The following LARP4B variants were observed in gnomAD, a reference collection of about 807,000 sequenced individuals.
LARP4B encodes the protein la-related protein 4B.
A neutral mutation model predicts 89.8 loss-of-function variants in LARP4B; 12 were observed. The ratio of observed to expected loss-of-function variants is 0.13; its 90% CI spans 0.09 to 0.22. The LOEUF is 0.22. LARP4B is among the 10% of genes least tolerant of loss of function. LARP4B has a pLI of 1.00. For synonymous variants in LARP4B, 367 were observed against 363.3 expected (o/e 1.01, Z -0.12); for missense variants, 757 against 947.7 (o/e 0.80, Z 2.64).
At chr10:980,673 G>A in the LARP4B span, among the ~76,000 whole-genome samples, 1 of 152,210 alleles carries the variant, frequency 6.6e-6, no homozygotes, top group Non-Finnish European at 1.5e-5. Flanking sequence ...GGCTGTGCAG[G>A]GCAATGGATA....
In LARP4B at chr10:833,030, GAATGGGAGAGCATGGCTGTA is replaced by G. The variant is rs1171124368; in HGVS notation, c.751-2073_751-2054del. 1.1e-4 allele frequency among the ~76,000 whole-genome samples: 16 copies of G among 152,236 alleles called. No homozygotes were observed. In the South Asian group the frequency reaches 2.7e-3, roughly 26 times the overall value. On this transcript the variant is annotated intron_variant, in intron 8 of 17. Transcript: ENST00000316157. ...GACAACAGCACAGGCTAGAAGTGGA[GAATGGGAGAGCATGGCTGTA>G]AATGGGAGAGCATGGCTGTAAGGTA...
At chr10:831,837 A>G (rs1340407205) in intron 8 of LARP4B, among the ~76,000 whole-genome samples, 1 of 152,196 alleles carries the variant, frequency 6.6e-6, no homozygotes, top group Non-Finnish European at 1.5e-5. Flanking sequence ...GTAAAATTTA[A>G]AACTCCGAGC....
chr10:885,584 G>C, intron 2 of LARP4B, 57 bp downstream of exon 2: 1 of 1,270,754 alleles, frequency 7.9e-7, no homozygotes. Flanking sequence ...CTCCAATATA[G>C]AGTCCTTTAT....
At chr10:836,980 T>C (rs1172001790) in intron 7 of LARP4B, among the ~76,000 whole-genome samples, 1 of 152,172 alleles carries the variant, frequency 6.6e-6, no homozygotes, top group African/African-American at 2.4e-5. Flanking sequence ...ATCTAAGAAA[T>C]TACGCAATGC....
At chr10:904,120 T>C (rs967028803) in intron 1 of LARP4B, among the ~76,000 whole-genome samples, 1 of 152,134 alleles carries the variant, frequency 6.6e-6, no homozygotes, top group East Asian at 1.9e-4. Flanking sequence ...TCTTCTCACC[T>C]ACGAAAATTA....
chr10:943,728 G>T, the LARP4B span, among the ~76,000 whole-genome samples: 2 of 152,194 alleles, frequency 1.3e-5, no homozygotes, highest in African/African-American at 4.8e-5. Context: ...AGCGGCGAGG[G>T]TGATGGAGTG....
upstream of LARP4B, among the ~76,000 whole-genome samples, chr10:934,504 A>G (rs560505126): frequency 1.3e-5 from 2 of 152,158 alleles, no homozygotes; most frequent in East Asian, 3.9e-4. Flanking sequence ...AAAGAAAAAG[A>G]AAAAAACTAA....
the LARP4B span, among the ~76,000 whole-genome samples, chr10:978,969 C>A: frequency 2.6e-5 from 4 of 151,818 alleles, no homozygotes; most frequent in African/African-American, 7.3e-5. Flanking sequence ...TCCACTGTCT[C>A]CTGTCTCTCA....
At chr10:867,452 T>C (rs984815870) in intron 3 of LARP4B, among the ~76,000 whole-genome samples, 1 of 152,228 alleles carries the variant, frequency 6.6e-6, no homozygotes, top group African/African-American at 2.4e-5. Context: ...AAGAGTTCAT[T>C]AACTTATAAT....
At chr10:874,064 C>G (rs922676393) in intron 3 of LARP4B, among the ~76,000 whole-genome samples, 1 of 152,068 alleles carries the variant, frequency 6.6e-6, no homozygotes, top group Non-Finnish European at 1.5e-5. Flanking sequence ...GAAAACCCGT[C>G]TCTACTAAAA....
At chr10:897,759 A>T (rs1836228852) in intron 1 of LARP4B, among the ~76,000 whole-genome samples, 1 of 152,098 alleles carries the variant, frequency 6.6e-6, no homozygotes, top group South Asian at 2.1e-4. Context: ...AGGCCGAAGC[A>T]GGCAGATTAT....
At chr10:877,601 G>A (rs1835507930) in intron 3 of LARP4B, among the ~76,000 whole-genome samples, 1 of 152,134 alleles carries the variant, frequency 6.6e-6, no homozygotes, top group African/African-American at 2.4e-5. Context: ...AAACCTCTTT[G>A]TGTCTCAGTT....
At chr10:890,589 G>A (rs1835986240) in intron 1 of LARP4B, among the ~76,000 whole-genome samples, 1 of 152,178 alleles carries the variant, frequency 6.6e-6, no homozygotes, top group African/African-American at 2.4e-5. Context: ...CTAACTTGTA[G>A]AAGACACAGA....
chr10:887,526 C>T (rs141571063), intron 1 of LARP4B, among the ~76,000 whole-genome samples: 40 of 151,386 alleles, frequency 2.6e-4, no homozygotes, highest in Non-Finnish European at 5.4e-4. Flanking sequence ...GCCTGGCCAA[C>T]ATGGTGAAAC....
the LARP4B span, among the ~76,000 whole-genome samples, chr10:983,000 G>A: frequency 6.6e-6 from 1 of 152,226 alleles, no homozygotes; most frequent in Admixed American, 6.5e-5. Context: ...AGGAAGACCT[G>A]CATTAGTCAA....
chr10:900,714 A>G (rs1269544508), intron 1 of LARP4B, among the ~76,000 whole-genome samples: 2 of 135,786 alleles, frequency 1.5e-5, no homozygotes, highest in African/African-American at 2.8e-5. Context: ...CTGCCTCCCG[A>G]GTTCAAGCGA....
the LARP4B span, chr10:942,501 G>A: frequency 1.3e-5 from 2 of 152,182 alleles, no homozygotes; most frequent in Non-Finnish European, 2.9e-5. Context: ...AAGATCAGAA[G>A]AACCTCTGTC....
rs1469287829 is a variant in LARP4B, at chr10:893,144, C to T, written c.-39-7384G>A. On this transcript the variant is annotated intron_variant, in intron 1 of 17. Transcript: ENST00000316157. ...GGTCAGGCTGGTCTTGAAGTCCTGA[C>T]CTCATGTGATCCACCCCCCTCGGCC... Among the ~76,000 whole-genome samples, 18 of 149,928 alleles carry T rather than the reference C, an allele frequency of 1.2e-4. No homozygotes were observed. The Admixed American group carries it at 1.2e-3, about 10-fold the overall frequency.
At chr10:881,323 C>A (rs1357903773) in intron 3 of LARP4B, among the ~76,000 whole-genome samples, 7 of 152,192 alleles carry the variant, frequency 4.6e-5, no homozygotes, top group African/African-American at 1.7e-4. Flanking sequence ...GGAATGTCAC[C>A]GTCTAAGTTG....
Sources: allele counts gnomAD v4.1 joint callset (sites outside exome capture counted in the v4.1 genomes callset), GRCh38; gene constraint gnomAD v4.1.1; transcripts MANE v1.5; gene names NCBI Gene and HGNC (gene_info 2026-07-23, HGNC 2026-07-21).